Variants in BRAF observed in about 807,000 individuals in gnomAD.
The protein encoded by BRAF is B-Raf proto-oncogene, serine/threonine kinase, also known as serine/threonine-protein kinase B-raf.
Under a neutral mutation model 104.6 loss-of-function variants are expected in BRAF, and 16 were observed. The ratio of observed to expected loss-of-function variants is 0.15; its 90% CI spans 0.10 to 0.23. BRAF has a LOEUF of 0.23. Ranked by LOEUF, BRAF falls within the 10% of genes least tolerant of loss-of-function variation. The pLI is 1.00. For missense variants in BRAF, 541 were observed against 937.3 expected, an observed-to-expected ratio of 0.58 and a Z score of 5.52; for synonymous variants, 310 against 341.6, an observed-to-expected ratio of 0.91 and a Z score of 1.02.
At chr7:140,818,801 C>G (rs1321898662) in intron 3 of BRAF, among the ~76,000 whole-genome samples, 1 of 152,174 alleles carries the variant, frequency 6.6e-6, no homozygotes, top group Non-Finnish European at 1.5e-5. Context: ...GGGTCTATCA[C>G]ATTTCTTGAT....
chr7:140,789,824 G>A (rs1382695929), intron 8 of BRAF, among the ~76,000 whole-genome samples: 1 of 152,204 alleles, frequency 6.6e-6, no homozygotes, highest in Non-Finnish European at 1.5e-5. Flanking sequence ...TTCGCCTCCT[G>A]GGTTCCAGCG....
chr7:140,766,000 C>T (rs866630403), intron 14 of BRAF, among the ~76,000 whole-genome samples: 13 of 149,798 alleles, frequency 8.7e-5, no homozygotes, highest in Admixed American at 2.0e-4. Flanking sequence ...CACATGCACA[C>T]GTATGTTTAT....
intron 17 of BRAF, chr7:140,741,242 G>A (rs552352735): frequency 1.3e-5 from 2 of 152,282 alleles, no homozygotes; most frequent in African/African-American, 2.4e-5. Flanking sequence ...ATTCTACAAG[G>A]TTGGTGTTGA....
At chr7:140,915,490 A>C (rs1460046220) in intron 1 of BRAF, among the ~76,000 whole-genome samples, 1 of 150,610 alleles carries the variant, frequency 6.6e-6, no homozygotes, top group African/African-American at 2.5e-5. Flanking sequence ...GCTGGAGTGC[A>C]ATGGCGCAAT....
intron 14 of BRAF, among the ~76,000 whole-genome samples, chr7:140,766,871 T>C (rs1029435526): frequency 7.9e-5 from 12 of 152,216 alleles, no homozygotes; most frequent in African/African-American, 2.9e-4. Flanking sequence ...TTTACTTTAG[T>C]TTTCTGAGAC....
intron 8 of BRAF, 133 bp from the exon 9 acceptor site, chr7:140,787,717 C>T (rs1456750970): frequency 1.3e-6 from 1 of 768,360 alleles, no homozygotes; most frequent in Admixed American, 2.6e-5. Flanking sequence ...AACTATTACA[C>T]AAAACAATTT....
At chr7:140,918,279 G>C (rs1817834382) in intron 1 of BRAF, among the ~76,000 whole-genome samples, 1 of 152,192 alleles carries the variant, frequency 6.6e-6, no homozygotes, top group African/African-American at 2.4e-5. Context: ...TCCATGGACA[G>C]GGGTAGAGGG....
chr7:140,830,015 C>A (rs181430529), intron 3 of BRAF, among the ~76,000 whole-genome samples: 1 of 152,260 alleles, frequency 6.6e-6, no homozygotes, highest in African/African-American at 2.4e-5. Context: ...GCTTTACTTT[C>A]CAAAATACTT....
chr7:140,740,038 T>C, intron 17 of BRAF, 92 bp from the exon 17 acceptor site: 1 of 1,367,602 alleles, frequency 7.3e-7, no homozygotes, highest in Non-Finnish European at 1.0e-6. Flanking sequence ...AAGCTGTACA[T>C]TTACAGCTTA....
In BRAF at chr7:140,720,212, C is replaced by G. The variant is rs1005292657; in HGVS notation, c.*6282G>C. 34 of 1,062,532 alleles carry G rather than the reference C, an allele frequency of 3.2e-5. No homozygotes were observed. Among genetic ancestry groups the G allele is most frequent in the Non-Finnish European group, 3.8e-5 (33 of 877,628 alleles). The allele number at this position is 1,062,532 out of a possible 1,614,324, so 65.8% of individuals were successfully genotyped here. The stretch of plus-strand genomic sequence containing the variant: ...AGGAAAGGATCAGATGTACAACCAA[C>G]AAATGAGATTACCACAAATACATAT... On this transcript the variant is annotated 3_prime_UTR_variant, in exon 20 of 20. Coordinates refer to ENST00000644969, the MANE Select transcript of BRAF (RefSeq NM_001374258.1).
intron 1 of BRAF, among the ~76,000 whole-genome samples, chr7:140,878,575 G>A (rs537149026): frequency 3.9e-5 from 6 of 152,268 alleles, no homozygotes; most frequent in Non-Finnish European, 8.8e-5. Context: ...TAGAGTAGTG[G>A]TTATCAGAGT....
chr7:140,746,195 T>TCC (rs1797333522), intron 17 of BRAF, among the ~76,000 whole-genome samples: 1 of 152,156 alleles, frequency 6.6e-6, no homozygotes, highest in Non-Finnish European at 1.5e-5. Flanking sequence ...ATAACAGATA[T>TCC]ATGCTATCTA....
At chr7:140,857,986 G>A (rs117720195) in intron 1 of BRAF, among the ~76,000 whole-genome samples, 6 of 152,180 alleles carry the variant, frequency 3.9e-5, no homozygotes, top group Non-Finnish European at 5.9e-5. Context: ...CATGTATCCC[G>A]CCTTTTTAGG....
At chr7:140,787,415 CA>C (rs1376634659) in intron 9 of BRAF, 132 bp downstream of exon 9, 3 of 712,888 alleles carry the variant, frequency 4.2e-6, no homozygotes, top group Non-Finnish European at 4.5e-6. Flanking sequence ...TACAGAAAAA[CA>C]AAAAAATTTT....
intron 7 of BRAF, among the ~76,000 whole-genome samples, chr7:140,795,290 T>C (rs1802388748): frequency 6.6e-6 from 1 of 152,138 alleles, no homozygotes; most frequent in South Asian, 2.1e-4. Context: ...GACTAGATTG[T>C]AAACACTTGG....
In BRAF at chr7:140,880,391, T is replaced by C. The variant is rs373583798; in HGVS notation, c.139-30179A>G. Reference sequence around the variant, plus strand: ...CTTCAGGATCCACTTCTAATTCTAGTTATTTTGCTATTTCTACCACACCCG... The same window carrying C: ...CTTCAGGATCCACTTCTAATTCTAGCTATTTTGCTATTTCTACCACACCCG... On this transcript the variant is annotated intron_variant, in intron 1 of 19. Transcript: ENST00000644969. Among the ~76,000 whole-genome samples the C allele has an allele frequency of 7.9e-5, 12 of 152,162 alleles. No individual in the cohort carries two copies. The East Asian group carries it at 1.2e-3, about 15-fold the overall frequency.
chr7:140,893,796 T>C (rs958755590), intron 1 of BRAF, among the ~76,000 whole-genome samples: 2 of 151,930 alleles, frequency 1.3e-5, no homozygotes, highest in African/African-American at 4.8e-5. Flanking sequence ...TCCCCATCTA[T>C]CACTATCAAA....
chr7:140,727,647 G>C (rs1171526947), intron 19 of BRAF, among the ~76,000 whole-genome samples: 1 of 150,084 alleles, frequency 6.7e-6, no homozygotes, highest in Non-Finnish European at 1.5e-5. Context: ...TTGAGACGGA[G>C]TCTTGCTCTG....
At chr7:140,824,355 C>A (rs1376232973) in intron 3 of BRAF, 4 of 152,160 alleles carry the variant, frequency 2.6e-5, no homozygotes, top group Non-Finnish European at 2.9e-5. Flanking sequence ...CCACTTCATT[C>A]TTTTGCATGT....
Sources: allele counts gnomAD v4.1 joint callset (sites outside exome capture counted in the v4.1 genomes callset), GRCh38; gene constraint gnomAD v4.1.1; transcripts MANE v1.5; gene names NCBI Gene and HGNC (gene_info 2026-07-23, HGNC 2026-07-21).